Variants in GLIS1 observed in about 807,000 individuals in gnomAD.
GLIS1 encodes zinc finger protein GLIS1.
GLIS1 carries 24 observed loss-of-function variants against 63.8 expected under a neutral mutation model. That is an observed-to-expected ratio of 0.38 (90% CI 0.27 to 0.53). GLIS1 has a LOEUF of 0.53. Among genes scored for constraint, GLIS1 ranks in the 20% least tolerant of loss-of-function variants. The pLI is 0.85. For missense variants in GLIS1, 1,036 were observed against 1,074.1 expected (o/e 0.96, Z 0.50); for synonymous variants, 450 against 482.5 (o/e 0.93, Z 0.88).
chr1:53,701,918 G>A (rs554305807), intron 2 of GLIS1, among the ~76,000 whole-genome samples: 11 of 149,792 alleles, frequency 7.3e-5, no homozygotes, highest in Admixed American at 1.3e-4. Flanking sequence ...ACCTGAACCC[G>A]AGAGGCAGAG....
intron 2 of GLIS1, among the ~76,000 whole-genome samples, chr1:53,680,213 C>T (rs766987540): frequency 6.6e-6 from 1 of 152,146 alleles, no homozygotes; most frequent in Non-Finnish European, 1.5e-5. Context: ...AGATCAAATA[C>T]GGCATTTGTC....
intron 2 of GLIS1, among the ~76,000 whole-genome samples, chr1:53,678,336 G>T (rs1325061976): frequency 1.5e-5 from 2 of 137,666 alleles, no homozygotes; most frequent in African/African-American, 2.6e-5. Flanking sequence ...TGAGGGGGGG[G>T]GGGTGGGGGG....
intron 4 of GLIS1, among the ~76,000 whole-genome samples, chr1:53,554,707 C>T (rs1644799278): frequency 6.6e-6 from 1 of 152,084 alleles, no homozygotes; most frequent in Non-Finnish European, 1.5e-5. Context: ...CAACACAGGC[C>T]CCACCAAGCC....
intron 2 of GLIS1, among the ~76,000 whole-genome samples, chr1:53,661,970 A>G (rs1217370275): frequency 2.6e-5 from 4 of 152,180 alleles, no homozygotes; most frequent in African/African-American, 9.6e-5. Context: ...ATGGAGGGCC[A>G]TAGATTGGGG....
In GLIS1 at chr1:53,574,423, C is replaced by T. The variant is rs548088136; in HGVS notation, c.1320+19685G>A. 5.6e-4 allele frequency among the ~76,000 whole-genome samples: 86 copies of T among 152,304 alleles called. No homozygotes were observed. Among genetic ancestry groups the T allele is most frequent in the Admixed American group, 4.2e-3 (64 of 15,304 alleles). On this transcript the variant is annotated intron_variant, in intron 4 of 10. Coordinates refer to ENST00000628545, the MANE Select transcript of GLIS1 (RefSeq NM_001367484.1). This position sits in a 1 kb window ranked among gnomAD's most constrained non-coding sequence, Gnocchi z 4.2. ...CTTGGAAGACAGGCATCATTACTGC[C>T]ACAAGCAGCAGGGCCTCCCACGCAG...
chr1:53,732,626 T>C (rs1437986175), intron 2 of GLIS1, among the ~76,000 whole-genome samples: 1 of 152,196 alleles, frequency 6.6e-6, no homozygotes, highest in Non-Finnish European at 1.5e-5. Context: ...GTATTACAGC[T>C]GTGCTTTTTG....
chr1:53,709,409 TATACACAC>T (rs71715544), intron 2 of GLIS1, among the ~76,000 whole-genome samples: 486 of 9,128 alleles, frequency 0.053, 15 homozygotes, highest in Middle Eastern at 0.25. Flanking sequence ...TACATATATA[TATACACAC>T]ACACACACAC....
chr1:53,550,066 C>G (rs1486989554), intron 4 of GLIS1, among the ~76,000 whole-genome samples: 1 of 152,224 alleles, frequency 6.6e-6, no homozygotes, highest in Non-Finnish European at 1.5e-5. Flanking sequence ...TCAGAGCCAC[C>G]AGGTTCAGCC....
intron 4 of GLIS1, among the ~76,000 whole-genome samples, chr1:53,553,634 A>T (rs1380529804): frequency 6.6e-6 from 1 of 152,180 alleles, no homozygotes; most frequent in African/African-American, 2.4e-5. Flanking sequence ...GTGGTATGGC[A>T]GGGAGTACTG....
At chr1:53,697,164 C>A (rs572624726) in intron 2 of GLIS1, among the ~76,000 whole-genome samples, 11 of 152,296 alleles carry the variant, frequency 7.2e-5, no homozygotes, top group African/African-American at 2.6e-4. Context: ...AAGACGGTCA[C>A]AGCAACAAAC....
intron 2 of GLIS1, among the ~76,000 whole-genome samples, chr1:53,655,142 C>G (rs958227818): frequency 1.3e-5 from 2 of 152,132 alleles, no homozygotes; most frequent in Non-Finnish European, 2.9e-5. Context: ...GAAACTGAGG[C>G]TGAAAATGGC....
intron 2 of GLIS1, chr1:53,734,136 C>T (rs1322779842): frequency 6.1e-6 from 6 of 984,460 alleles, no homozygotes; most frequent in African/African-American, 1.8e-5. Flanking sequence ...TTTATAACGG[C>T]GGGGTTCACA....
chr1:53,594,936 G>A lies in GLIS1; in HGVS notation c.492C>T (p.His164=), dbSNP rs1323453509. ...AGTCGGGCAAGGACTCCTGTTTGAT[G>A]TGTTGTGTGGTTGGGAGGCTGCCGT... is the stretch of plus-strand genomic sequence containing the variant. ...YVNGSLPTTQ[H]IKQESLPDYQ... Residue 164 remains histidine, a synonymous_variant, in exon 4 of 11, where the codon CAC becomes CAT. Transcript: ENST00000628545. 3 of 1,486,878 alleles carry A rather than the reference G, an allele frequency of 2.0e-6. No homozygotes were observed. Among genetic ancestry groups the A allele is most frequent in the Non-Finnish European group, 2.7e-6 (3 of 1,126,140 alleles). 92.1% of individuals were successfully genotyped at this position (1,486,878 alleles called of 1,614,324 possible). A position where few individuals can be genotyped will look rare whatever the true frequency, so the allele number is the denominator to read the frequency against.
chr1:53,715,312 C>T (rs753237208), intron 2 of GLIS1, among the ~76,000 whole-genome samples: 6 of 152,150 alleles, frequency 3.9e-5, no homozygotes, highest in Non-Finnish European at 8.8e-5. Context: ...CAGAGTCCAC[C>T]ATGGGCAGGT....
chr1:53,640,652 G>A (rs1327082842), intron 2 of GLIS1, among the ~76,000 whole-genome samples: 1 of 152,172 alleles, frequency 6.6e-6, no homozygotes, highest in African/African-American at 2.4e-5. Context: ...CTCCTCCCCA[G>A]AGCCCTGTGA....
intron 2 of GLIS1, among the ~76,000 whole-genome samples, chr1:53,648,822 T>G (rs1645874604): frequency 6.6e-6 from 1 of 152,214 alleles, no homozygotes; most frequent in Non-Finnish European, 1.5e-5. Context: ...GTGGTTACCT[T>G]GAAGAAGGAG....
At chr1:53,531,777 TTGA>T (rs1644533508) in intron 4 of GLIS1, among the ~76,000 whole-genome samples, 1 of 152,200 alleles carries the variant, frequency 6.6e-6, no homozygotes, top group Non-Finnish European at 1.5e-5. Flanking sequence ...TTCCACGGGC[TTGA>T]TGACTGTAGC....
At chr1:53,689,554 G>A (rs1250325951) in intron 2 of GLIS1, among the ~76,000 whole-genome samples, 1 of 152,096 alleles carries the variant, frequency 6.6e-6, no homozygotes, top group Non-Finnish European at 1.5e-5. Context: ...TCTGCACTGT[G>A]ACCTTTCTGC....
intron 2 of GLIS1, among the ~76,000 whole-genome samples, chr1:53,702,449 G>A (rs1277213336): frequency 6.6e-6 from 1 of 152,260 alleles, no homozygotes; most frequent in Non-Finnish European, 1.5e-5. Context: ...CTGCCCCCGG[G>A]TTCCAGGTAG....
Sources: allele counts gnomAD v4.1 joint callset (sites outside exome capture counted in the v4.1 genomes callset), GRCh38; gene constraint gnomAD v4.1.1; non-coding constraint Gnocchi (gnomAD v3.1); transcripts MANE v1.5; gene names NCBI Gene and HGNC (gene_info 2026-07-23, HGNC 2026-07-21).